The following RBFOX1 variants were observed in gnomAD, a reference collection of about 807,000 sequenced individuals.
RBFOX1 encodes the protein RNA binding protein fox-1 homolog 1.
Under a neutral mutation model 57.7 loss-of-function variants are expected in RBFOX1, and 8 were observed. That is an observed-to-expected ratio of 0.14 (90% CI 0.08 to 0.25). The LOEUF (loss-of-function observed/expected upper bound fraction) is 0.25, where lower values mean the gene tolerates loss of function less well. Ranked by LOEUF, RBFOX1 falls within the 10% of genes least tolerant of loss-of-function variation. RBFOX1 has a pLI of 1.00. For missense variants in RBFOX1, 611 were observed against 548.5 expected (o/e 1.11, Z -1.14); for synonymous variants, 326 against 222.4 (o/e 1.47, Z -4.15).
intron 1 of RBFOX1, among the ~76,000 whole-genome samples, chr16:6,299,505 C>T (rs912175359): frequency 8.5e-5 from 13 of 152,090 alleles, no homozygotes; most frequent in Non-Finnish European, 1.6e-4. Flanking sequence ...GTGAAGCGCA[C>T]GTAAGCCACC....
At chr16:7,033,274 C>A (rs1446101628) in intron 3 of RBFOX1, among the ~76,000 whole-genome samples, 1 of 152,176 alleles carries the variant, frequency 6.6e-6, no homozygotes, top group Admixed American at 6.5e-5. Context: ...AATCCTAGAA[C>A]TTTGGGAGGC....
At position 6,833,576 on chromosome 16, in the gene RBFOX1, C is replaced by T. The variant is rs184690354; in HGVS notation, c.-16+178926C>T. Among the ~76,000 whole-genome samples, 17 of 152,272 alleles carry T rather than the reference C, an allele frequency of 1.1e-4. No individual in the cohort carries two copies. In the East Asian group the frequency reaches 3.3e-3, roughly 29 times the overall value. ...TGACAGTCTGACCGATCATTTCCTCCACTGCACTTATACACCTGTTAGTAT... is the reference window on the plus strand; with the variant it reads ...TGACAGTCTGACCGATCATTTCCTCTACTGCACTTATACACCTGTTAGTAT... On this transcript the variant is annotated intron_variant, in intron 3 of 15. Transcript: ENST00000550418.
At chr16:7,435,582 G>A (rs2098715149) in intron 4 of RBFOX1, among the ~76,000 whole-genome samples, 1 of 152,150 alleles carries the variant, frequency 6.6e-6, no homozygotes, top group Non-Finnish European at 1.5e-5. Flanking sequence ...AGGCTTTTCA[G>A]CAGGACCTGG....
chr16:6,312,381 T>C (rs1370091031), intron 1 of RBFOX1, among the ~76,000 whole-genome samples: 1 of 152,096 alleles, frequency 6.6e-6, no homozygotes, highest in African/African-American at 2.4e-5. Context: ...TTGCTACTTC[T>C]GCTGTTTTCT....
chr16:7,249,154 G>C (rs548149881), intron 4 of RBFOX1, among the ~76,000 whole-genome samples: 3 of 152,176 alleles, frequency 2.0e-5, no homozygotes, highest in African/African-American at 7.2e-5. Flanking sequence ...CAGAAAGCTG[G>C]GGGTTAGGTG....
intron 3 of RBFOX1, among the ~76,000 whole-genome samples, chr16:6,827,648 C>G (rs920020051): frequency 6.6e-6 from 1 of 152,178 alleles, no homozygotes; most frequent in South Asian, 2.1e-4. Flanking sequence ...CACCTCCTTC[C>G]CCCTCCTCAC....
chr16:7,222,119 G>C lies in RBFOX1; in HGVS notation c.27+170021G>C, dbSNP rs61251722. ...TGATATTATAAAAGGCAGTGGTGAG[G>C]ATTTCAGCTAAAAAAAGATTCGTTG... On this transcript the variant is annotated intron_variant, in intron 4 of 15. Coordinates refer to ENST00000550418, the MANE Select transcript of RBFOX1 (RefSeq NM_018723.4). Among the ~76,000 whole-genome samples, 10 of 152,282 alleles carry C rather than the reference G, an allele frequency of 6.6e-5. No homozygotes were observed. In the East Asian group the frequency reaches 1.9e-3, roughly 29 times the overall value.
At chr16:5,565,506 T>C (rs925110697) in intron 2 of RBFOX1, among the ~76,000 whole-genome samples, 1 of 151,836 alleles carries the variant, frequency 6.6e-6, no homozygotes, top group African/African-American at 2.4e-5. Flanking sequence ...CTGCGTATAA[T>C]CCCAGCTACT....
At chr16:5,492,553 A>G (rs1386427621) in intron 2 of RBFOX1, among the ~76,000 whole-genome samples, 3 of 152,362 alleles carry the variant, frequency 2.0e-5, no homozygotes, top group South Asian at 4.1e-4. Flanking sequence ...ATAGTGTGAC[A>G]GAACATTTTA....
At chr16:6,820,409 C>A (rs2091063167) in intron 3 of RBFOX1, among the ~76,000 whole-genome samples, 2 of 152,090 alleles carry the variant, frequency 1.3e-5, no homozygotes, top group African/African-American at 2.4e-5. Context: ...ATAATCCCAG[C>A]ATTTTGGGAG....
At chr16:7,406,950 T>G (rs1176053823) in intron 4 of RBFOX1, among the ~76,000 whole-genome samples, 5 of 152,298 alleles carry the variant, frequency 3.3e-5, no homozygotes, top group African/African-American at 1.2e-4. Flanking sequence ...CAAATCTCTC[T>G]CTGTCTCTGC....
At chr16:5,638,428 G>A (rs1459749214) in intron 3 of RBFOX1, among the ~76,000 whole-genome samples, 1 of 152,152 alleles carries the variant, frequency 6.6e-6, no homozygotes, top group African/African-American at 2.4e-5. Flanking sequence ...GAGTAACCAT[G>A]ATGATTGAAT....
At chr16:7,426,468 C>A (rs963761976) in intron 4 of RBFOX1, among the ~76,000 whole-genome samples, 12 of 152,182 alleles carry the variant, frequency 7.9e-5, no homozygotes, top group African/African-American at 1.2e-4. Context: ...TGATAGTTTT[C>A]AAGCAACAGC....
intron 4 of RBFOX1, among the ~76,000 whole-genome samples, chr16:7,215,066 C>A (rs1245322210): frequency 6.6e-6 from 1 of 152,074 alleles, no homozygotes. Flanking sequence ...TGTCTCCACC[C>A]CCCGCGGACA....
At chr16:5,754,189 C>G (rs1301706632) in intron 3 of RBFOX1, among the ~76,000 whole-genome samples, 1 of 152,190 alleles carries the variant, frequency 6.6e-6, no homozygotes, top group African/African-American at 2.4e-5. Context: ...TGAATCCCAC[C>G]TCTGCCACAT....
chr16:5,607,075 G>A (rs1038214433), intron 3 of RBFOX1, among the ~76,000 whole-genome samples: 9 of 152,126 alleles, frequency 5.9e-5, no homozygotes, highest in African/African-American at 9.7e-5. Flanking sequence ...GTCCCTCCTG[G>A]GCATTTTTCA....
At position 5,402,400 on chromosome 16, in the gene RBFOX1, A is replaced by G. The variant is rs374134548; in HGVS notation, c.220-64816A>G. Among the ~76,000 whole-genome samples, 21 of 152,286 alleles carry G rather than the reference A, an allele frequency of 1.4e-4. No homozygotes were observed. In the East Asian group the frequency reaches 2.7e-3, roughly 20 times the overall value. ...TGGATGGGTGGAGAAGAGTGGAGAC[A>G]AGACGTGAGAGGCCAGTGGAAGATC... On this transcript the variant is annotated intron_variant, in intron 1 of 2. Transcript: ENST00000585867.
At chr16:5,665,137 G>GC (rs889981997) in intron 3 of RBFOX1, among the ~76,000 whole-genome samples, 3 of 142,844 alleles carry the variant, frequency 2.1e-5, no homozygotes, top group African/African-American at 7.5e-5. Flanking sequence ...TACATGGGGG[G>GC]GGGCGGTCTT....
At chr16:6,705,363 A>G (rs902939432) in intron 3 of RBFOX1, 33 of 152,290 alleles carry the variant, frequency 2.2e-4, no homozygotes, top group African/African-American at 8.0e-4. Context: ...TGGCATCAGA[A>G]TGAATCATGT....
Sources: allele counts gnomAD v4.1 joint callset (sites outside exome capture counted in the v4.1 genomes callset), GRCh38; gene constraint gnomAD v4.1.1; transcripts MANE v1.5; gene names NCBI Gene and HGNC (gene_info 2026-07-23, HGNC 2026-07-21).